CATSPERB: variants seen among roughly 807,000 people sequenced by gnomAD.
CATSPERB encodes the protein catsper channel auxiliary subunit beta.
Under a neutral mutation model 128.3 loss-of-function variants are expected in CATSPERB, and 93 were observed. That is an observed-to-expected ratio of 0.72 (90% CI 0.61 to 0.86). CATSPERB has a LOEUF of 0.86. Ranked by LOEUF, CATSPERB falls within the 40% of genes least tolerant of loss-of-function variation. The pLI is 0.00. For synonymous variants in CATSPERB, 381 were observed against 448.8 expected, an observed-to-expected ratio of 0.85 and a Z score of 1.91; for missense variants, 1,153 against 1,329.5, an observed-to-expected ratio of 0.87 and a Z score of 2.06.
chr14:91,691,914 C>G (rs577479220), intron 9 of CATSPERB, among the ~76,000 whole-genome samples: 1 of 152,114 alleles, frequency 6.6e-6, no homozygotes, highest in African/African-American at 2.4e-5. Context: ...CACGGTGGCT[C>G]ACACCTGTAA....
chr14:91,625,318 A>G (rs750644214), intron 17 of CATSPERB, among the ~76,000 whole-genome samples: 1 of 152,120 alleles, frequency 6.6e-6, no homozygotes, highest in Non-Finnish European at 1.5e-5. Context: ...GCAATTTGAC[A>G]TTATGCATTA....
In CATSPERB at chr14:91,581,073, C is replaced by A. The variant is rs971581962; in HGVS notation, c.3167G>T (p.Gly1056Val). Residue 1056 changes from glycine to valine, a missense_variant, in exon 27 of 27, where the codon GGA becomes GTA. Coordinates refer to ENST00000256343, the MANE Select transcript of CATSPERB (RefSeq NM_024764.4). Reference protein sequence around the residue: ...YVDEAPLPFPGHTLIAVATAV... With the variant: ...YVDEAPLPFPVHTLIAVATAV... ...TGTTGCCACGGCAATAAGCGTGTGT[C>A]CTGGGAATGGCAATGGTGCCTCATC... 16 of 1,614,028 alleles carry A rather than the reference C, an allele frequency of 9.9e-6. No homozygotes were observed. The highest frequency in any genetic ancestry group is 1.4e-5 in the Non-Finnish European group (16 of 1,180,000).
At chr14:91,696,461 T>C (rs375829491) in intron 7 of CATSPERB, among the ~76,000 whole-genome samples, 1 of 152,168 alleles carries the variant, frequency 6.6e-6, no homozygotes, top group East Asian at 1.9e-4. Flanking sequence ...ATGGAAACTG[T>C]GAGTGGCCTT....
chr14:91,718,934 T>C lies in CATSPERB; in HGVS notation c.370+484A>G, dbSNP rs189091285. On this transcript the variant is annotated intron_variant, in intron 5 of 26. Coordinates refer to ENST00000256343, the MANE Select transcript of CATSPERB (RefSeq NM_024764.4). ...CTACAGATCTACTAGGTCAGTTCAC[T>C]AGATCAATACTCACAGTTCCTGGAA... Among the ~76,000 whole-genome samples, 685 of 152,244 alleles carry C rather than the reference T, an allele frequency of 4.5e-3. 10 individuals are homozygous for C. The highest frequency in any genetic ancestry group is 0.015 in the African/African-American group (636 of 41,494).
In CATSPERB at chr14:91,669,917, G is replaced by A; in HGVS notation, c.1184C>T (p.Ser395Leu). The A allele has an allele frequency of 1.2e-6, 2 of 1,613,464 alleles. No homozygotes were observed. The highest frequency in any genetic ancestry group is 4.5e-5 in the East Asian group (2 of 44,828). The part of the protein sequence containing the change: ...VSTLRNNEPN[S>L]QSKFPIFRFP... ...CCGAAAAATTGGAAATTTTGATTGTGAATTTGGTTCATTATTTCTCAGGGT... is the reference window on the plus strand; with the variant it reads ...CCGAAAAATTGGAAATTTTGATTGTAAATTTGGTTCATTATTTCTCAGGGT... The change falls in exon 14 of 27, where the codon TCA becomes TTA. Residue 395 changes from serine (S) to leucine (L), a missense_variant. Physicochemically the swap from Ser to Leu is moderately radical, Grantham distance 145. Transcript: ENST00000256343.
rs1273601943 is a variant in CATSPERB at position 91,732,002 on chromosome 14, G to A, written c.-73C>T. On this transcript the variant is annotated 5_prime_UTR_variant, in exon 1 of 27. Coordinates refer to ENST00000256343, the MANE Select transcript of CATSPERB (RefSeq NM_024764.4). ...TTCTCAGTTTTCTTCCATATAGACT[G>A]AGAAGAAAGACCCAAAGTCAGGAGC... 2.0e-5 allele frequency: 3 copies of A among 152,540 alleles called. No homozygotes were observed. Among genetic ancestry groups the A allele is most frequent in the Non-Finnish European group, 4.4e-5 (3 of 68,026 alleles). 9.4% of individuals were successfully genotyped at this position (152,540 alleles called of 1,614,324 possible).
intron 11 of CATSPERB, among the ~76,000 whole-genome samples, chr14:91,675,963 C>T (rs1253688097): frequency 1.3e-5 from 2 of 152,154 alleles, no homozygotes; most frequent in Non-Finnish European, 1.5e-5. Flanking sequence ...GTCGGAAATA[C>T]CTGGGATAAA....
At chr14:91,663,219 C>T (rs1472740714) in intron 14 of CATSPERB, among the ~76,000 whole-genome samples, 2 of 152,150 alleles carry the variant, frequency 1.3e-5, no homozygotes, top group South Asian at 4.1e-4. Flanking sequence ...AAACTGACTG[C>T]TAAATGGCTG....
At chr14:91,652,353 T>A (rs1180386017) in intron 15 of CATSPERB, among the ~76,000 whole-genome samples, 1 of 152,018 alleles carries the variant, frequency 6.6e-6, no homozygotes, top group Non-Finnish European at 1.5e-5. Context: ...TCATGCAAAC[T>A]AAATCTTCAG....
At chr14:91,653,102 C>A (rs1433854362) in intron 15 of CATSPERB, among the ~76,000 whole-genome samples, 1 of 152,106 alleles carries the variant, frequency 6.6e-6, no homozygotes, top group Non-Finnish European at 1.5e-5. Context: ...CAAAACCATG[C>A]TTTTTGAAGT....
chr14:91,597,697 G>T (rs145675011), intron 22 of CATSPERB, among the ~76,000 whole-genome samples: 100 of 152,188 alleles, frequency 6.6e-4, no homozygotes, highest in Middle Eastern at 3.4e-3. Flanking sequence ...GAGTTGAATG[G>T]CTTTAATTTC....
chr14:91,700,848 A>T (rs975514818), intron 7 of CATSPERB, among the ~76,000 whole-genome samples: 2 of 151,994 alleles, frequency 1.3e-5, no homozygotes, highest in Non-Finnish European at 2.9e-5. Context: ...TGGTTGAAAA[A>T]CTAACTATTG....
intron 2 of CATSPERB, among the ~76,000 whole-genome samples, chr14:91,726,752 A>C (rs182626046): frequency 6.6e-6 from 1 of 152,372 alleles, no homozygotes; most frequent in Non-Finnish European, 1.5e-5. Flanking sequence ...AAGAGCCCAG[A>C]GATCAAGGGT....
chr14:91,621,178 A>C (rs943006154), intron 19 of CATSPERB, among the ~76,000 whole-genome samples: 4 of 152,156 alleles, frequency 2.6e-5, no homozygotes, highest in Admixed American at 2.6e-4. Context: ...GAGGCAGGTG[A>C]ATCACTTGAG....
At chr14:91,685,757 G>A (rs569427650) in intron 10 of CATSPERB, among the ~76,000 whole-genome samples, 2 of 152,172 alleles carry the variant, frequency 1.3e-5, no homozygotes, top group African/African-American at 2.4e-5. Context: ...CAAAGGAGTC[G>A]AGGTGTGAGA....
chr14:91,719,940 G>A (rs768170178), intron 4 of CATSPERB, among the ~76,000 whole-genome samples: 1 of 152,144 alleles, frequency 6.6e-6, no homozygotes, highest in African/African-American at 2.4e-5. Flanking sequence ...CAATAAAGGT[G>A]CAAAGGACAC....
At chr14:91,648,857 G>A (rs1253029193) in intron 15 of CATSPERB, among the ~76,000 whole-genome samples, 1 of 152,096 alleles carries the variant, frequency 6.6e-6, no homozygotes, top group Non-Finnish European at 1.5e-5. Context: ...CTTTAATGGA[G>A]AAATGTAGAT....
chr14:91,686,024 A>G (rs1566730906), intron 10 of CATSPERB, among the ~76,000 whole-genome samples: 1 of 152,188 alleles, frequency 6.6e-6, no homozygotes, highest in Non-Finnish European at 1.5e-5. Flanking sequence ...TATACTTCCT[A>G]TTACCTTTGA....
intron 22 of CATSPERB, among the ~76,000 whole-genome samples, chr14:91,598,127 A>G (rs909098358): frequency 7.2e-5 from 11 of 151,780 alleles, no homozygotes; most frequent in African/African-American, 2.7e-4. Flanking sequence ...TAAATTTACC[A>G]CAGAAGATTC....
Sources: allele counts gnomAD v4.1 joint callset (sites outside exome capture counted in the v4.1 genomes callset), GRCh38; gene constraint gnomAD v4.1.1; transcripts MANE v1.5; gene names NCBI Gene and HGNC (gene_info 2026-07-23, HGNC 2026-07-21).